ARR3: variants seen among roughly 807,000 people sequenced by gnomAD.
ARR3 encodes the protein arrestin-C.
ARR3 carries 14 observed loss-of-function variants against 35.4 expected under a neutral mutation model. The ratio of observed to expected loss-of-function variants is 0.40; its 90% CI spans 0.26 to 0.62. The LOEUF (loss-of-function observed/expected upper bound fraction) is 0.62, where lower values mean the gene tolerates loss of function less well. Among genes scored for constraint, ARR3 ranks in the 20% least tolerant of loss-of-function variants. The pLI is 0.46. For missense variants in ARR3, 259 were observed against 303.8 expected (o/e 0.85, Z 1.10); for synonymous variants, 97 against 119.1 (o/e 0.81, Z 1.21).
At chrX:70,278,464 C>T (rs375620824) in intron 11 of ARR3, 40 bp from the exon 12 acceptor site, 1 of 1,195,170 alleles carries the variant, frequency 8.4e-7, no homozygotes, top group Non-Finnish European at 1.1e-6. Context: ...GCTTAGTCAG[C>T]AAGCCCAGCC....
intron 5 of ARR3, 73 bp downstream of exon 5, chrX:70,270,217 A>G (rs1384789713): frequency 9.4e-7 from 1 of 1,062,920 alleles, no homozygotes; most frequent in Non-Finnish European, 1.3e-6. Flanking sequence ...ACCAGAGTAC[A>G]ACAAAACCAG....
At chrX:70,269,600 A>G (rs1349970668) in intron 2 of ARR3, 62 bp from the exon 3 acceptor site, 72 of 1,150,298 alleles carry the variant, frequency 6.3e-5, no homozygotes, top group South Asian at 5.3e-4. Flanking sequence ...CAATTCCCTT[A>G]TTTCCTCTTC....
chrX:70,281,773 C>T lies in ARR3; in HGVS notation c.*7C>T, dbSNP rs779710461. The T allele has an allele frequency of 2.1e-5, 24 of 1,155,314 alleles. No individual in the cohort carries two copies. In the South Asian group the frequency reaches 4.1e-4, roughly 20 times the overall value. On this transcript the variant is annotated 3_prime_UTR_variant, in exon 17 of 17. Coordinates refer to ENST00000307959, the MANE Select transcript of ARR3 (RefSeq NM_004312.3). ...GGGAGATGAGGGGAGCTGAGCACCT[C>T]GCTCTGGTGCCCGTCTGTGTGGGAG...
At chrX:70,274,054 T>C (rs145046759) in intron 5 of ARR3, among the ~76,000 whole-genome samples, 2,016 of 110,522 alleles carry the variant, frequency 0.018, 44 homozygotes, top group African/African-American at 0.063. Context: ...ATTTGGTGTT[T>C]ATTATTCTCT....
At chrX:70,279,088 A>G (rs2085667519) in intron 12 of ARR3, among the ~76,000 whole-genome samples, 1 of 112,663 alleles carries the variant, frequency 8.9e-6, no homozygotes, top group Admixed American at 9.4e-5. Context: ...ATCACATGTC[A>G]TCTGGCTCTG....
At chrX:70,273,214 CTTTTTTTTTTTT>C (rs59650423) in intron 5 of ARR3, among the ~76,000 whole-genome samples, 2 of 41,628 alleles carry the variant, frequency 4.8e-5, no homozygotes, top group African/African-American at 1.0e-4. Flanking sequence ...GAAAGGATTC[CTTTTTTTTTTTT>C]TTTTTTTTTT....
At chrX:70,275,010 A>T (rs147334023) in intron 5 of ARR3, among the ~76,000 whole-genome samples, 1 of 112,303 alleles carries the variant, frequency 8.9e-6, no homozygotes, top group African/African-American at 3.2e-5. Context: ...TTTTTTATCC[A>T]TTCTCCTGTT....
intron 5 of ARR3, among the ~76,000 whole-genome samples, chrX:70,270,796 A>T (rs1321497821): frequency 9.0e-6 from 1 of 110,568 alleles, no homozygotes; most frequent in African/African-American, 3.3e-5. Context: ...AGAAAAAAAA[A>T]TCCCAAACAA....
chrX:70,274,199 CTT>C (rs200481457), intron 5 of ARR3, among the ~76,000 whole-genome samples: 35 of 90,763 alleles, frequency 3.9e-4, no homozygotes, highest in East Asian at 3.3e-3. Flanking sequence ...TGTTCAGTAG[CTT>C]TTTTTTTTTT....
chrX:70,279,590 T>C lies in ARR3; in HGVS notation c.906-605T>C, dbSNP rs759900018. 3.6e-5 allele frequency among the ~76,000 whole-genome samples: 4 copies of C among 112,612 alleles called. No homozygotes were observed. The South Asian group carries it at 1.1e-3, about 31-fold the overall frequency. ...TAAGACAGTCTCTGCCTTCAGTCAATTTATGGCCTAGATGAGGAACGAAGA... is the reference window on the plus strand; with the variant it reads ...TAAGACAGTCTCTGCCTTCAGTCAACTTATGGCCTAGATGAGGAACGAAGA... On this transcript the variant is annotated intron_variant, in intron 12 of 16. Coordinates refer to ENST00000307959, the MANE Select transcript of ARR3 (RefSeq NM_004312.3).
intron 5 of ARR3, among the ~76,000 whole-genome samples, chrX:70,274,266 A>C: frequency 9.5e-6 from 1 of 105,072 alleles, no homozygotes; most frequent in Admixed American, 1.0e-4. Flanking sequence ...CAGTGGTGCA[A>C]TCTCAGCTCA....
rs770113334 is a variant in ARR3 at position 70,280,548 on chromosome X, T to G, written c.990-11T>G. 5.4e-5 allele frequency: 65 copies of G among 1,192,730 alleles called. 1 individual carries two copies. The Admixed American group carries it at 1.5e-3, about 27-fold the overall frequency. ...TCCCGCTGCTAATTTTGGGTGTCAT[T>G]CTACCCACAGCATCCTAGGAGACCT... On this transcript the variant is annotated splice_polypyrimidine_tract_variant and intron_variant, in intron 13 of 16. Transcript: ENST00000307959.
chrX:70,281,636 G>C (rs747504606), intron 16 of ARR3, 40 bp from the exon 17 acceptor site: 2 of 1,090,471 alleles, frequency 1.8e-6, no homozygotes, highest in African/African-American at 3.7e-5. Context: ...ACCCAGAAAG[G>C]GGTTCCTAAC....
At chrX:70,278,194 G>A in intron 11 of ARR3, 56 bp downstream of exon 11, 1 of 1,074,515 alleles carries the variant, frequency 9.3e-7, no homozygotes, top group Non-Finnish European at 1.3e-6. Flanking sequence ...GGTGGGAAGA[G>A]GTCCAGGAGG....
intron 3 of ARR3, 38 bp from the exon 4 acceptor site, chrX:70,269,805 T>C: frequency 8.3e-7 from 1 of 1,199,961 alleles, no homozygotes; most frequent in Non-Finnish European, 1.1e-6. Context: ...CATTCAAAAA[T>C]GATTGTGAGA....
chrX:70,276,444 C>T lies in ARR3; in HGVS notation c.357C>T (p.Asn119=). The change falls in exon 7 of 17, where the codon AAC becomes AAT. Residue 119 remains asparagine, a synonymous_variant. Transcript: ENST00000307959. ...TTTTTGTCCCCTAGATGGTGACCAACCTGCCCTGTTCTGTGACACTGCAGC... is the reference window on the plus strand; with the variant it reads ...TTTTTGTCCCCTAGATGGTGACCAATCTGCCCTGTTCTGTGACACTGCAGC... ...AYPFTLQMVT[N]LPCSVTLQPG... 8.3e-7 allele frequency: 1 copy of T among 1,211,693 alleles called. No homozygotes were observed. Among genetic ancestry groups the T allele is most frequent in the Non-Finnish European group, 1.1e-6 (1 of 895,285 alleles).
intron 10 of ARR3, 113 bp downstream of exon 10, chrX:70,277,913 C>A: frequency 1.1e-6 from 1 of 891,734 alleles, no homozygotes; most frequent in Non-Finnish European, 1.6e-6. Context: ...CTAACATGGG[C>A]TTGTCAAAAT....
At chrX:70,276,792 TC>T in intron 8 of ARR3, 56 bp downstream of exon 8, 1 of 1,080,545 alleles carries the variant, frequency 9.3e-7, no homozygotes, top group Non-Finnish European at 1.3e-6. Context: ...AGGAAACAGA[TC>T]CTGCTCTCAT....
chrX:70,278,551 C>A lies in ARR3; in HGVS notation c.815C>A (p.Thr272Asn), dbSNP rs755813894. The change falls in exon 12 of 17, where the codon ACC (threonine) becomes AAC (asparagine). Residue 272 changes from threonine (T) to asparagine (N), a missense_variant. By Grantham distance (65) the Thr-to-Asn change is moderately conservative. Coordinates refer to ENST00000307959, the MANE Select transcript of ARR3 (RefSeq NM_004312.3). ...NSSFSQSFAV[T>N]PILAASCQKR... ...AGCTTCTCCCAGAGCTTTGCAGTAA[C>A]CCCAATCCTGGCTGCCAGCTGCCAG... 8.3e-7 allele frequency: 1 copy of A among 1,211,762 alleles called. No individual in the cohort carries two copies. Among genetic ancestry groups the A allele is most frequent in the Admixed American group, 2.2e-5 (1 of 46,076 alleles).
Sources: gnomAD v4.1 joint callset for allele counts (sites outside exome capture counted in the v4.1 genomes callset) on GRCh38, gnomAD v4.1.1 for gene constraint, MANE v1.5 for transcripts, NCBI Gene and HGNC (gene_info 2026-07-23, HGNC 2026-07-21) for gene names.